The following SMYD1 variants were observed in gnomAD, a reference collection of about 807,000 sequenced individuals.
The protein encoded by SMYD1 is histone-lysine N-methyltransferase SMYD1.
A neutral mutation model predicts 54.0 loss-of-function variants in SMYD1; 49 were observed. The observed-to-expected ratio is 0.91, with a 90% CI of 0.72 to 1.15. The LOEUF (loss-of-function observed/expected upper bound fraction) is 1.15. Among genes scored for constraint, SMYD1 ranks in the 50% most tolerant of loss-of-function variants. The pLI, the probability that SMYD1 is intolerant of heterozygous loss-of-function variation, is 0.00. For missense variants in SMYD1, 653 were observed against 639.6 expected, an observed-to-expected ratio of 1.02 and a Z score of -0.23; for synonymous variants, 269 against 234.2, an observed-to-expected ratio of 1.15 and a Z score of -1.36.
chr2:88,102,753 A>T (rs552727918), intron 6 of SMYD1, among the ~76,000 whole-genome samples: 62 of 152,342 alleles, frequency 4.1e-4, no homozygotes, highest in Admixed American at 7.2e-4. Context: ...TGCCAGAGAA[A>T]ACACAATAGG....
chr2:88,084,589 A>C (rs1674279108), intron 2 of SMYD1, 97 bp downstream of exon 2: 1 of 1,201,092 alleles, frequency 8.3e-7, no homozygotes, highest in Non-Finnish European at 1.2e-6. Context: ...AGCCAAGCTG[A>C]GTGCAAGTCA....
intron 1 of SMYD1, among the ~76,000 whole-genome samples, chr2:88,074,021 A>G (rs1674003917): frequency 6.6e-6 from 1 of 152,158 alleles, no homozygotes; most frequent in South Asian, 2.1e-4. Flanking sequence ...CAGGGAGGGA[A>G]GGAAAGAGAG....
chr2:88,107,027 C>T (rs577356628), intron 8 of SMYD1, among the ~76,000 whole-genome samples: 4 of 151,852 alleles, frequency 2.6e-5, no homozygotes, highest in East Asian at 1.9e-4. Flanking sequence ...GGTGAAACCC[C>T]GTCTCTATTA....
chr2:88,091,890 A>C (rs971890794), intron 4 of SMYD1, among the ~76,000 whole-genome samples: 1 of 152,086 alleles, frequency 6.6e-6, no homozygotes, highest in African/African-American at 2.4e-5. Flanking sequence ...CAAACCAAAC[A>C]AAATAATATA....
intron 6 of SMYD1, among the ~76,000 whole-genome samples, chr2:88,098,180 G>T (rs745293): frequency 0.21 from 32,048 of 152,048 alleles, 3,542 homozygotes; most frequent in Non-Finnish European, 0.25. Flanking sequence ...CTGAGTATTT[G>T]TTTCATAACT....
intron 6 of SMYD1, among the ~76,000 whole-genome samples, chr2:88,097,863 C>T (rs1168311890): frequency 6.6e-6 from 1 of 152,102 alleles, no homozygotes; most frequent in Non-Finnish European, 1.5e-5. Flanking sequence ...GGTTTCCATA[C>T]AGACAGAAGT....
intron 1 of SMYD1, among the ~76,000 whole-genome samples, chr2:88,080,195 T>C (rs1430268607): frequency 1.3e-5 from 2 of 152,044 alleles, no homozygotes; most frequent in African/African-American, 4.8e-5. Context: ...TTAAGTAGAT[T>C]AGAAATAAGC....
rs1005821172 is a variant in SMYD1 at position 88,112,654 on chromosome 2, C to A, written c.*2142C>A. The A allele has an allele frequency of 1.3e-5, 2 of 155,912 alleles. No homozygotes were observed. Among genetic ancestry groups the A allele is most frequent in the Non-Finnish European group, 2.9e-5 (2 of 70,136 alleles). The allele number at this position is 155,912 out of a possible 1,614,324, so 9.7% of individuals were successfully genotyped here. A position where few individuals can be genotyped will look rare whatever the true frequency, so the allele number is the denominator to read the frequency against. On this transcript the variant is annotated 3_prime_UTR_variant, in exon 10 of 10. Transcript: ENST00000419482. ...AATCCATTGCAGATTGACTTCCACTCCCACTCCTTCACTAAAAGGGCTCTT... is the reference window on the plus strand; with the variant it reads ...AATCCATTGCAGATTGACTTCCACTACCACTCCTTCACTAAAAGGGCTCTT...
intron 1 of SMYD1, among the ~76,000 whole-genome samples, chr2:88,073,968 C>T (rs893919232): frequency 6.6e-6 from 1 of 152,032 alleles, no homozygotes; most frequent in African/African-American, 2.4e-5. Flanking sequence ...TTACCTAGCT[C>T]GATGCACATA....
At chr2:88,101,647 T>A (rs1008683460) in intron 6 of SMYD1, among the ~76,000 whole-genome samples, 3 of 152,224 alleles carry the variant, frequency 2.0e-5, no homozygotes, top group African/African-American at 7.2e-5. Context: ...ACTCTGTCAC[T>A]CAGGCTGTAG....
At chr2:88,084,558 C>G (rs997801085) in intron 2 of SMYD1, 66 bp downstream of exon 2, 1 of 1,462,772 alleles carries the variant, frequency 6.8e-7, no homozygotes, top group Non-Finnish European at 9.3e-7. Context: ...GTGGCAGTAA[C>G]AACATTCCCA....
chr2:88,107,697 G>C (rs1051246050), intron 8 of SMYD1, among the ~76,000 whole-genome samples: 1 of 152,202 alleles, frequency 6.6e-6, no homozygotes, highest in Non-Finnish European at 1.5e-5. Flanking sequence ...TCAGACTGCT[G>C]TGCTAGCAAT....
intron 1 of SMYD1, among the ~76,000 whole-genome samples, chr2:88,079,435 G>A (rs1359259730): frequency 6.6e-6 from 1 of 152,190 alleles, no homozygotes; most frequent in Admixed American, 6.5e-5. Flanking sequence ...AGCCAGGCTA[G>A]GAAAACTTGC....
At chr2:88,084,181 G>A (rs1253478359) in intron 1 of SMYD1, 135 bp from the exon 2 acceptor site, 5 of 666,794 alleles carry the variant, frequency 7.5e-6, no homozygotes, top group Non-Finnish European at 1.2e-5. Context: ...TCCTCATTTT[G>A]GAAGGTGGAA....
rs547967061 is a variant in SMYD1 at position 88,106,346 on chromosome 2, T to C, written c.1003T>C (p.Cys335Arg). Reference sequence around the variant, plus strand: ...CTAGGTTGTGAAATTATGCCGGGAGTGCCTGGAGAAGCAGGAGCCAGTGTT... The same window carrying C: ...CTAGGTTGTGAAATTATGCCGGGAGCGCCTGGAGAAGCAGGAGCCAGTGTT... ...YHEVVKLCRE[C>R]LEKQEPVFAD... The change falls in exon 8 of 10, where the codon TGC becomes CGC. Residue 335 changes from cysteine to arginine, a missense_variant. Coordinates refer to ENST00000419482, the MANE Select transcript of SMYD1 (RefSeq NM_198274.4). 3.2e-5 allele frequency: 52 copies of C among 1,614,032 alleles called. No homozygotes were observed. The East Asian group carries it at 1.1e-3, about 35-fold the overall frequency.
intron 8 of SMYD1, among the ~76,000 whole-genome samples, chr2:88,107,535 G>C (rs1006763378): frequency 2.9e-4 from 44 of 152,210 alleles, no homozygotes; most frequent in African/African-American, 9.6e-4. Context: ...CTCAAGCTCA[G>C]ATAATATGGA....
intron 6 of SMYD1, among the ~76,000 whole-genome samples, chr2:88,100,372 A>G (rs1674695039): frequency 6.6e-6 from 1 of 152,238 alleles, no homozygotes; most frequent in South Asian, 2.1e-4. Context: ...GACTTTGATG[A>G]ACACTTAACC....
At chr2:88,110,327 TG>T (rs756863710) in intron 9 of SMYD1, 26 bp from the exon 10 acceptor site, 1 of 1,597,994 alleles carries the variant, frequency 6.3e-7, no homozygotes, top group Non-Finnish European at 8.5e-7. Flanking sequence ...TTGCTATCAC[TG>T]TTTACGGTGT....
At chr2:88,081,152 C>G (rs1674181898) in intron 1 of SMYD1, among the ~76,000 whole-genome samples, 1 of 152,144 alleles carries the variant, frequency 6.6e-6, no homozygotes, top group Admixed American at 6.5e-5. Flanking sequence ...ATCCACCTGC[C>G]TTGGCCTCCC....
Sources: allele counts gnomAD v4.1 joint callset (sites outside exome capture counted in the v4.1 genomes callset), GRCh38; gene constraint gnomAD v4.1.1; transcripts MANE v1.5; gene names NCBI Gene and HGNC (gene_info 2026-07-23, HGNC 2026-07-21).